CRISPLD2: variants seen among roughly 807,000 people sequenced by gnomAD.
CRISPLD2 encodes cysteine rich secretory protein LCCL domain containing 2, also known as cysteine-rich secretory protein LCCL domain-containing 2.
In CRISPLD2, 47 loss-of-function variants were observed where a neutral mutation model predicts 71.1. The ratio of observed to expected loss-of-function variants is 0.66; its 90% CI spans 0.52 to 0.84. The LOEUF (loss-of-function observed/expected upper bound fraction) is 0.84. Among genes scored for constraint, CRISPLD2 ranks in the 40% least tolerant of loss-of-function variants. The pLI is 0.00. For missense variants in CRISPLD2, 830 were observed against 651.1 expected, an observed-to-expected ratio of 1.27 and a Z score of -2.99; for synonymous variants, 317 against 250.1, an observed-to-expected ratio of 1.27 and a Z score of -2.52.
At chr16:84,822,494 G>T (rs772010518) in intron 1 of CRISPLD2, among the ~76,000 whole-genome samples, 1 of 152,208 alleles carries the variant, frequency 6.6e-6, no homozygotes, top group Non-Finnish European at 1.5e-5. Context: ...GTCATTTGCT[G>T]TGTGTGGGAG....
intron 13 of CRISPLD2, among the ~76,000 whole-genome samples, chr16:84,884,216 C>G (rs1049572973): frequency 1.3e-5 from 2 of 152,202 alleles, no homozygotes; most frequent in African/African-American, 4.8e-5. Flanking sequence ...GGACAGATTG[C>G]TGGCTCCGGG....
At chr16:84,822,363 A>G (rs1222981486) in intron 1 of CRISPLD2, among the ~76,000 whole-genome samples, 1 of 152,182 alleles carries the variant, frequency 6.6e-6, no homozygotes, top group African/African-American at 2.4e-5. Context: ...TGTAAGTTGC[A>G]TTTGAAAGTT....
At chr16:84,862,808 A>G (rs1917423307) in intron 6 of CRISPLD2, among the ~76,000 whole-genome samples, 1 of 149,250 alleles carries the variant, frequency 6.7e-6, no homozygotes, top group Non-Finnish European at 1.5e-5. Flanking sequence ...TGGGTTCTGG[A>G]GTGAAGAACA....
At chr16:84,851,288 C>T (rs1917082545) in intron 5 of CRISPLD2, among the ~76,000 whole-genome samples, 1 of 152,234 alleles carries the variant, frequency 6.6e-6, no homozygotes, top group Non-Finnish European at 1.5e-5. Flanking sequence ...GCCTCCTCCG[C>T]CTATAGCATG....
chr16:84,899,109 T>C lies in CRISPLD2; in HGVS notation c.1440-7479T>C, dbSNP rs146526783. Among the ~76,000 whole-genome samples, 1,210 of 152,238 alleles carry C rather than the reference T, an allele frequency of 7.9e-3. 10 individuals carry two copies. The highest frequency in any genetic ancestry group is 0.035 in the South Asian group (169 of 4,826). On this transcript the variant is annotated intron_variant, in intron 14 of 14. Coordinates refer to ENST00000262424, the MANE Select transcript of CRISPLD2 (RefSeq NM_031476.4). ...GGTCACTGTGTCACCCAGGCTGATC[T>C]CAAACTCCTGGGTTCAAGCAATCGC...
rs1284462573 is a variant in CRISPLD2 at position 84,854,720 on chromosome 16, T to C, written c.609-9T>C. 3 of 1,611,730 alleles carry C rather than the reference T, an allele frequency of 1.9e-6. No homozygotes were observed. The highest frequency in any genetic ancestry group is 2.2e-5 in the South Asian group (2 of 91,050). On this transcript the variant is annotated splice_polypyrimidine_tract_variant and intron_variant, in intron 5 of 14. Coordinates refer to ENST00000262424, the MANE Select transcript of CRISPLD2 (RefSeq NM_031476.4). Reference sequence around the variant, plus strand: ...TCCCTCTGACGGTTGTTTTTGGGTCTGTCCTCAGGGGGAACTGGATTGGAG... The same window carrying C: ...TCCCTCTGACGGTTGTTTTTGGGTCCGTCCTCAGGGGGAACTGGATTGGAG...
chr16:84,824,735 C>T (rs1916309145), intron 1 of CRISPLD2, among the ~76,000 whole-genome samples: 1 of 152,180 alleles, frequency 6.6e-6, no homozygotes, highest in Non-Finnish European at 1.5e-5. Flanking sequence ...GGTTCTCTGC[C>T]AGTGGGAGTG....
At position 84,849,508 on chromosome 16, in the gene CRISPLD2, CTA is replaced by C; in HGVS notation, c.484_485del (p.Tyr162HisfsTer58). ...ERCSGPMCTH[Y>X]TQIVWATTNK... Reference sequence around the variant, plus strand: ...GGTGCTCGGGGCCCATGTGCACGCACTACACACAGGTAACTCGGGGACTTGCC... The same window carrying C: ...GGTGCTCGGGGCCCATGTGCACGCACCACACAGGTAACTCGGGGACTTGCC... On this transcript the variant is annotated frameshift_variant, in exon 4 of 15. Coordinates refer to ENST00000262424, the MANE Select transcript of CRISPLD2 (RefSeq NM_031476.4). LOFTEE classifies it high-confidence loss of function. 6.2e-7 allele frequency: 1 copy of C among 1,614,096 alleles called. No homozygotes were observed. The highest frequency in any genetic ancestry group is 8.5e-7 in the Non-Finnish European group (1 of 1,179,978).
intron 2 of CRISPLD2, among the ~76,000 whole-genome samples, chr16:84,844,228 G>C (rs750942152): frequency 4.3e-4 from 66 of 152,242 alleles, no homozygotes; most frequent in Non-Finnish European, 8.2e-4. Flanking sequence ...GGGCCAGCCT[G>C]TCTTCAGAGT....
At position 84,873,063 on chromosome 16, in the gene CRISPLD2, C is replaced by T. The variant is rs138955762; in HGVS notation, c.1053C>T (p.Thr351=). ...ACAAGGGAGGCCTGGTGGATATCAC[C>T]AGGAACGGGAAGGTCCCCTTCTTCG... ...LDDKGGLVDI[T]RNGKVPFFVK... Residue 351 remains threonine, a synonymous_variant, in exon 10 of 15, where the codon ACC becomes ACT. Coordinates refer to ENST00000262424, the MANE Select transcript of CRISPLD2 (RefSeq NM_031476.4). 8 of 1,613,920 alleles carry T rather than the reference C, an allele frequency of 5.0e-6. No homozygotes were observed. The African/African-American group carries it at 8.0e-5, about 16-fold the overall frequency.
intron 1 of CRISPLD2, among the ~76,000 whole-genome samples, chr16:84,821,068 A>G (rs1174933329): frequency 6.6e-6 from 1 of 152,192 alleles, no homozygotes; most frequent in Non-Finnish European, 1.5e-5. Flanking sequence ...CCTGGCTGAG[A>G]GAAGCATCCC....
intron 1 of CRISPLD2, among the ~76,000 whole-genome samples, chr16:84,830,583 G>T (rs574741852): frequency 1.3e-4 from 19 of 151,980 alleles, no homozygotes; most frequent in Non-Finnish European, 2.6e-4. Flanking sequence ...TGCACCTCTA[G>T]TCCCAGCTAC....
chr16:84,872,581 C>A, intron 9 of CRISPLD2, 73 bp downstream of exon 9: 1 of 1,300,958 alleles, frequency 7.7e-7, no homozygotes, highest in Non-Finnish European at 1.1e-6. Flanking sequence ...AGGTGGTTGG[C>A]TTTAGTAGGA....
chr16:84,866,985 A>T lies in CRISPLD2; in HGVS notation c.798A>T (p.Gln266His), dbSNP rs1016831430. Reference sequence around the variant, plus strand: ...CTGAAGAAAACCATGTTTGGCTCCAACCGAGGGTGATGAGACCCACCAAGC... The same window carrying T: ...CTGAAGAAAACCATGTTTGGCTCCATCCGAGGGTGATGAGACCCACCAAGC... ...PIPEENHVWL[Q>H]PRVMRPTKPK... The change falls in exon 7 of 15, where the codon CAA (glutamine) becomes CAT (histidine). Residue 266 changes from glutamine to histidine, a missense_variant. Physicochemically the swap from Gln to His is conservative, Grantham distance 24. Coordinates refer to ENST00000262424, the MANE Select transcript of CRISPLD2 (RefSeq NM_031476.4). 1.2e-6 allele frequency: 2 copies of T among 1,613,996 alleles called. No individual in the cohort carries two copies. Among genetic ancestry groups the T allele is most frequent in the Non-Finnish European group, 1.7e-6 (2 of 1,180,002 alleles).
At chr16:84,897,510 G>C (rs1480443428) in intron 14 of CRISPLD2, among the ~76,000 whole-genome samples, 1 of 152,190 alleles carries the variant, frequency 6.6e-6, no homozygotes, top group Non-Finnish European at 1.5e-5. Context: ...GATCTTCATA[G>C]CACTCAACTT....
intron 6 of CRISPLD2, among the ~76,000 whole-genome samples, chr16:84,859,950 C>A (rs557462337): frequency 6.6e-6 from 1 of 152,218 alleles, no homozygotes; most frequent in Non-Finnish European, 1.5e-5. Flanking sequence ...AAAGCAATTA[C>A]AAAGATGCAG....
chr16:84,873,930 C>G lies in CRISPLD2; in HGVS notation c.1123C>G (p.Pro375Ala). The G allele has an allele frequency of 6.6e-7, 1 of 1,508,184 alleles. No homozygotes were observed. 93.4% of individuals were successfully genotyped at this position (1,508,184 alleles called of 1,614,324 possible). A position where few individuals can be genotyped will look rare whatever the true frequency, so the allele number is the denominator to read the frequency against. The change falls in exon 11 of 15, where the codon CCT (proline) becomes GCT (alanine). Residue 375 changes from proline to alanine, a missense_variant. Pro to Ala is a conservative substitution (Grantham distance 27). Coordinates refer to ENST00000262424, the MANE Select transcript of CRISPLD2 (RefSeq NM_031476.4). ...TTTTTTTTTAAACAGCAAATACAAACCTTCCAGCTCATTCATGGTGTCAAA... is the reference window on the plus strand; with the variant it reads ...TTTTTTTTTAAACAGCAAATACAAAGCTTCCAGCTCATTCATGGTGTCAAA... ...HGVQSLSKYK[P>A]SSSFMVSKVK...
chr16:84,850,455 A>G (rs561120159), intron 4 of CRISPLD2, 113 bp from the exon 5 acceptor site: 1 of 804,868 alleles, frequency 1.2e-6, no homozygotes, highest in African/African-American at 1.7e-5. Context: ...CTGCTTCCCC[A>G]ACCCTTCACC....
At chr16:84,905,404 T>C (rs1473956943) in intron 14 of CRISPLD2, among the ~76,000 whole-genome samples, 2 of 152,200 alleles carry the variant, frequency 1.3e-5, no homozygotes, top group Non-Finnish European at 2.9e-5. Flanking sequence ...GGTTTGGTTT[T>C]TTTTTTGTTT....
Sources: allele counts gnomAD v4.1 joint callset (sites outside exome capture counted in the v4.1 genomes callset), GRCh38; gene constraint gnomAD v4.1.1; transcripts MANE v1.5; gene names NCBI Gene and HGNC (gene_info 2026-07-23, HGNC 2026-07-21).